Variants in EPHA5 observed in about 807,000 individuals in gnomAD.
EPHA5 encodes EPH receptor A5.
EPHA5 carries 60 observed loss-of-function variants against 105.0 expected under a neutral mutation model. The observed-to-expected ratio is 0.57, with a 90% CI of 0.46 to 0.71. EPHA5 has a LOEUF of 0.71. Ranked by LOEUF, EPHA5 falls within the 30% of genes least tolerant of loss-of-function variation. EPHA5 has a pLI of 0.00. For synonymous variants in EPHA5, 513 were observed against 449.1 expected, an observed-to-expected ratio of 1.14 and a Z score of -1.80; for missense variants, 1,218 against 1,274.7, an observed-to-expected ratio of 0.96 and a Z score of 0.68.
chr4:65,551,902 A>T (rs7663332), intron 3 of EPHA5, among the ~76,000 whole-genome samples: 2,037 of 152,264 alleles, frequency 0.013, 53 homozygotes, highest in African/African-American at 0.046. Context: ...ATTTTTAGTA[A>T]AATATTTATC....
At chr4:65,602,821 C>T (rs778887240) in intron 2 of EPHA5, among the ~76,000 whole-genome samples, 1 of 151,988 alleles carries the variant, frequency 6.6e-6, no homozygotes, top group Non-Finnish European at 1.5e-5. Context: ...TGTCATGTCA[C>T]AAATAACACA....
At chr4:65,635,938 A>G (rs1460028879) in intron 2 of EPHA5, among the ~76,000 whole-genome samples, 4 of 152,140 alleles carry the variant, frequency 2.6e-5, no homozygotes, top group Non-Finnish European at 1.5e-5. Context: ...TAAGTGAGGA[A>G]ATATTTATTT....
intron 2 of EPHA5, among the ~76,000 whole-genome samples, chr4:65,627,395 A>C (rs1395718919): frequency 1.3e-5 from 2 of 152,156 alleles, no homozygotes; most frequent in African/African-American, 4.8e-5. Flanking sequence ...ATACCATTTA[A>C]CTTGATATTT....
intron 8 of EPHA5, among the ~76,000 whole-genome samples, chr4:65,396,617 C>T (rs1721267201): frequency 6.6e-6 from 1 of 152,148 alleles, no homozygotes. Flanking sequence ...TGTGTGTATA[C>T]TGGAAGGGTT....
At chr4:65,425,977 G>A (rs527408061) in intron 5 of EPHA5, among the ~76,000 whole-genome samples, 7 of 152,174 alleles carry the variant, frequency 4.6e-5, no homozygotes, top group South Asian at 4.2e-4. Flanking sequence ...TGACAACTTC[G>A]TAAAATGTAT....
chr4:65,574,651 T>C (rs1740639797), intron 3 of EPHA5, among the ~76,000 whole-genome samples: 1 of 112,102 alleles, frequency 8.9e-6, no homozygotes, highest in African/African-American at 3.2e-5. Context: ...CACATATATA[T>C]ACACATATAT....
chr4:65,451,315 C>A (rs891529120), intron 5 of EPHA5, among the ~76,000 whole-genome samples: 4 of 152,046 alleles, frequency 2.6e-5, no homozygotes, highest in Non-Finnish European at 4.4e-5. Context: ...TTTTTTGATA[C>A]AAGACATTTT....
chr4:65,619,949 T>C (rs1016193879), intron 2 of EPHA5, among the ~76,000 whole-genome samples: 10 of 151,082 alleles, frequency 6.6e-5, no homozygotes, highest in Non-Finnish European at 1.3e-4. Context: ...AAGTTTCTCC[T>C]TTTTTCATCC....
intron 2 of EPHA5, among the ~76,000 whole-genome samples, chr4:65,605,926 C>A (rs182064443): frequency 6.6e-6 from 1 of 152,096 alleles, no homozygotes; most frequent in African/African-American, 2.4e-5. Context: ...CTTAAAAGAG[C>A]CAGTCCTATT....
intron 8 of EPHA5, among the ~76,000 whole-genome samples, chr4:65,399,473 G>A (rs191128969): frequency 1.3e-5 from 2 of 152,312 alleles, no homozygotes; most frequent in Middle Eastern, 3.4e-3. Flanking sequence ...CTCAGGCAAA[G>A]GTGCCCCTGG....
intron 3 of EPHA5, among the ~76,000 whole-genome samples, chr4:65,578,268 A>T (rs1324464236): frequency 6.6e-6 from 1 of 152,102 alleles, no homozygotes; most frequent in Non-Finnish European, 1.5e-5. Context: ...TACATACAAG[A>T]CATAACAGTA....
chr4:65,342,390 C>T (rs765162881), intron 14 of EPHA5, among the ~76,000 whole-genome samples: 37 of 151,952 alleles, frequency 2.4e-4, no homozygotes, highest in Non-Finnish European at 2.8e-4. Flanking sequence ...TCAAATAATT[C>T]GCTTACTGTC....
At chr4:65,412,919 T>A (rs1723048280) in intron 7 of EPHA5, among the ~76,000 whole-genome samples, 1 of 152,144 alleles carries the variant, frequency 6.6e-6, no homozygotes, top group Admixed American at 6.6e-5. Context: ...TTTTCATTGG[T>A]ATAGTTATCA....
chr4:65,375,639 A>G (rs1577954423), intron 8 of EPHA5, among the ~76,000 whole-genome samples: 1 of 151,954 alleles, frequency 6.6e-6, no homozygotes, highest in African/African-American at 2.4e-5. Context: ...TAAGGCATCA[A>G]TATCAATGTT....
intron 3 of EPHA5, among the ~76,000 whole-genome samples, chr4:65,508,914 C>T (rs1028967591): frequency 2.6e-5 from 4 of 152,090 alleles, no homozygotes; most frequent in Admixed American, 6.6e-5. Context: ...ATATAGAGAA[C>T]GCATTGGGCA....
chr4:65,488,907 A>G (rs1731140964), intron 5 of EPHA5, among the ~76,000 whole-genome samples: 1 of 13,060 alleles, frequency 7.7e-5, no homozygotes, highest in Admixed American at 1.1e-3. Context: ...TTTTTTTGAG[A>G]CGGAGTCTCG....
chr4:65,661,168 G>C (rs1176879284), intron 1 of EPHA5, among the ~76,000 whole-genome samples: 2 of 152,112 alleles, frequency 1.3e-5, no homozygotes, highest in African/African-American at 4.8e-5. Context: ...AAATAATTTA[G>C]AGTTAGTAAG....
At chr4:65,479,741 A>G (rs1266618754) in intron 5 of EPHA5, among the ~76,000 whole-genome samples, 3 of 152,190 alleles carry the variant, frequency 2.0e-5, no homozygotes, top group Non-Finnish European at 4.4e-5. Flanking sequence ...TGCACATTAA[A>G]TGGCCATAAG....
chr4:65,469,669 A>G (rs953443135), intron 5 of EPHA5, among the ~76,000 whole-genome samples: 1 of 152,192 alleles, frequency 6.6e-6, no homozygotes, highest in African/African-American at 2.4e-5. Context: ...TCTGTTTCTA[A>G]TTTAACACAA....
Sources: gnomAD v4.1 joint callset for allele counts (sites outside exome capture counted in the v4.1 genomes callset) on GRCh38, gnomAD v4.1.1 for gene constraint, MANE v1.5 for transcripts, NCBI Gene and HGNC (gene_info 2026-07-23, HGNC 2026-07-21) for gene names.